The following SOX5 variants were observed in gnomAD, a reference collection of about 807,000 sequenced individuals.
SOX5 encodes transcription factor SOX-5.
In SOX5, 9 loss-of-function variants were observed where a neutral mutation model predicts 92.0. The observed-to-expected ratio is 0.10, with a 90% CI of 0.06 to 0.17. The LOEUF is 0.17. Ranked by LOEUF, SOX5 falls within the 10% of genes least tolerant of loss-of-function variation. SOX5 has a pLI of 1.00. For missense variants in SOX5, 642 were observed against 944.5 expected, an observed-to-expected ratio of 0.68 and a Z score of 4.20; for synonymous variants, 344 against 336.3, an observed-to-expected ratio of 1.02 and a Z score of -0.25.
At chr12:23,866,098 C>G (rs538533300) in intron 2 of SOX5, among the ~76,000 whole-genome samples, 1 of 152,072 alleles carries the variant, frequency 6.6e-6, no homozygotes, top group Non-Finnish European at 1.5e-5. Context: ...CTGTGAACAC[C>G]GTTGAAATAA....
At chr12:24,333,079 A>G (rs1951508087) in intron 2 of SOX5, among the ~76,000 whole-genome samples, 1 of 152,074 alleles carries the variant, frequency 6.6e-6, no homozygotes, top group Admixed American at 6.5e-5. Context: ...AATACATGGA[A>G]AACTATAAAA....
In SOX5 at chr12:24,070,580, G is replaced by GT. The variant is rs200168205; in HGVS notation, c.-2+142762dup. On this transcript the variant is annotated intron_variant, in intron 4 of 4. Transcript: ENST00000446891. ...GTGCCCTTTTTCATCTTTATTTATT[G>GT]TTTTTTAAAAAAAAAAACTACTGTA... is the stretch of plus-strand genomic sequence containing the variant. 2.6e-3 allele frequency among the ~76,000 whole-genome samples: 387 copies of GT among 148,084 alleles called. 2 individuals are homozygous for GT. The highest frequency in any genetic ancestry group is 8.9e-3 in the African/African-American group (357 of 40,172).
intron 2 of SOX5, among the ~76,000 whole-genome samples, chr12:24,316,999 C>T (rs1395055784): frequency 6.6e-6 from 1 of 152,088 alleles, no homozygotes; most frequent in Non-Finnish European, 1.5e-5. Context: ...TAATTCTAGG[C>T]AACCAGGGAG....
intron 4 of SOX5, among the ~76,000 whole-genome samples, chr12:23,747,194 G>A (rs904335639): frequency 2.0e-5 from 3 of 152,004 alleles, no homozygotes; most frequent in Non-Finnish European, 4.4e-5. Context: ...ATTGGAAATT[G>A]ATCAACCCTA....
At chr12:24,132,057 TC>T (rs887519418) in intron 4 of SOX5, among the ~76,000 whole-genome samples, 5 of 152,200 alleles carry the variant, frequency 3.3e-5, no homozygotes, top group Non-Finnish European at 7.3e-5. Flanking sequence ...TGTGTTACGT[TC>T]CCATTCCAGG....
intron 4 of SOX5, among the ~76,000 whole-genome samples, chr12:24,151,068 G>A (rs1348630517): frequency 6.6e-6 from 1 of 152,048 alleles, no homozygotes; most frequent in Non-Finnish European, 1.5e-5. Flanking sequence ...TAAAAACACT[G>A]AGCAAGATCA....
At chr12:24,552,886 G>C (rs979362279) in intron 1 of SOX5, among the ~76,000 whole-genome samples, 1 of 152,130 alleles carries the variant, frequency 6.6e-6, no homozygotes, top group African/African-American at 2.4e-5. Context: ...AAGCAAATTA[G>C]CTGGGCATGC....
chr12:23,885,074 G>A (rs1219260674), intron 2 of SOX5, among the ~76,000 whole-genome samples: 8 of 152,046 alleles, frequency 5.3e-5, no homozygotes, highest in Non-Finnish European at 7.4e-5. Flanking sequence ...TGTCCCTAGC[G>A]GTGCAAAGCA....
At chr12:23,680,731 G>C (rs532567830) in intron 6 of SOX5, among the ~76,000 whole-genome samples, 1 of 152,080 alleles carries the variant, frequency 6.6e-6, no homozygotes, top group Non-Finnish European at 1.5e-5. Context: ...GACTATGAAA[G>C]GCAAAGATAA....
intron 1 of SOX5, among the ~76,000 whole-genome samples, chr12:24,552,847 A>C (rs1399827822): frequency 6.6e-6 from 1 of 152,184 alleles, no homozygotes; most frequent in African/African-American, 2.4e-5. Context: ...ACAAAATTTA[A>C]AACAAACTCC....
chr12:24,560,561 C>A (rs1333009970), intron 1 of SOX5, among the ~76,000 whole-genome samples: 2 of 152,052 alleles, frequency 1.3e-5, no homozygotes, highest in Non-Finnish European at 2.9e-5. Flanking sequence ...GAAGAAGCAC[C>A]CCTAGAAACT....
intron 6 of SOX5, among the ~76,000 whole-genome samples, chr12:23,700,295 G>C (rs542859188): frequency 6.6e-6 from 1 of 152,004 alleles, no homozygotes; most frequent in South Asian, 2.1e-4. Context: ...CTTATTCTCT[G>C]ATCCTAATGT....
rs114546304 is a variant in SOX5, at chr12:24,208,871, G to A, written c.-2+4472C>T. On this transcript the variant is annotated intron_variant, in intron 4 of 4. Coordinates refer to the SOX5 transcript ENST00000446891. Reference sequence around the variant, plus strand: ...ATTCATGCAGCTGAATGAAACTGAGGATGAAATAAGACAATGACTAAAAAA... The same window carrying A: ...ATTCATGCAGCTGAATGAAACTGAGAATGAAATAAGACAATGACTAAAAAA... Among the ~76,000 whole-genome samples, 1,044 of 152,252 alleles carry A rather than the reference G, an allele frequency of 6.9e-3. 5 individuals are homozygous for A. Among genetic ancestry groups the A allele is most frequent in the African/African-American group, 0.018 (746 of 41,554 alleles).
chr12:24,474,860 GT>G (rs940544752), intron 1 of SOX5, among the ~76,000 whole-genome samples: 1 of 145,368 alleles, frequency 6.9e-6, no homozygotes, highest in Non-Finnish European at 1.5e-5. Context: ...CTTAGTGAGA[GT>G]TTTTTTTTGA....
At chr12:23,756,851 A>G (rs760382680) in intron 3 of SOX5, among the ~76,000 whole-genome samples, 35 of 151,922 alleles carry the variant, frequency 2.3e-4, no homozygotes, top group Non-Finnish European at 5.0e-4. Context: ...TAATATTATT[A>G]GAAACTGGTT....
rs745640453 is a variant in SOX5, at chr12:23,600,552, T to TATATATACAC, written c.1164+3834_1164+3835insGTGTATATAT. Among the ~76,000 whole-genome samples, 14 of 95,270 alleles carry TATATATACAC rather than the reference T, an allele frequency of 1.5e-4. No individual in the cohort carries two copies. The East Asian group carries it at 1.5e-3, about 11-fold the overall frequency. The allele number at this position is 95,270 out of a possible 152,430, so 62.5% of individuals were successfully genotyped here. A position where few individuals can be genotyped will look rare whatever the true frequency, so the allele number is the denominator to read the frequency against. On this transcript the variant is annotated intron_variant, in intron 9 of 14. Transcript: ENST00000451604. ...ATATATATATATATATATATATATA[T>TATATATACAC]ACACATACTTGGCTTGGGACTAAAA...
At chr12:23,774,846 A>G (rs1199311603) in intron 3 of SOX5, among the ~76,000 whole-genome samples, 1 of 152,230 alleles carries the variant, frequency 6.6e-6, no homozygotes, top group African/African-American at 2.4e-5. Context: ...TAAACAATTT[A>G]CACAGATATT....
intron 3 of SOX5, among the ~76,000 whole-genome samples, chr12:23,775,644 C>T (rs2095073774): frequency 6.6e-6 from 1 of 152,210 alleles, no homozygotes; most frequent in Admixed American, 6.5e-5. Flanking sequence ...ATTTGGCCTT[C>T]ATTTATTTCT....
At chr12:24,218,000 C>T (rs909457558) in intron 3 of SOX5, among the ~76,000 whole-genome samples, 3 of 152,096 alleles carry the variant, frequency 2.0e-5, no homozygotes, top group East Asian at 1.9e-4. Context: ...GCTATAGAGA[C>T]GTGGGAACGC....
Sources: allele counts gnomAD v4.1 joint callset (sites outside exome capture counted in the v4.1 genomes callset), GRCh38; gene constraint gnomAD v4.1.1; transcripts MANE v1.5; gene names NCBI Gene and HGNC (gene_info 2026-07-23, HGNC 2026-07-21).